Variants in TRIM2 observed in about 807,000 individuals in gnomAD.
TRIM2 encodes tripartite motif containing 2, also known as tripartite motif-containing protein 2.
Under a neutral mutation model 75.2 loss-of-function variants are expected in TRIM2, and 20 were observed. That is an observed-to-expected ratio of 0.27 (90% confidence interval 0.19 to 0.39). The LOEUF (loss-of-function observed/expected upper bound fraction) is 0.39, where lower values mean the gene tolerates loss of function less well. Ranked by LOEUF, TRIM2 falls within the 10% of genes least tolerant of loss-of-function variation. The pLI, the probability that TRIM2 is intolerant of heterozygous loss-of-function variation, is 1.00. For synonymous variants in TRIM2, 373 were observed against 388.3 expected, an observed-to-expected ratio of 0.96 and a Z score of 0.46; for missense variants, 660 against 990.8, an observed-to-expected ratio of 0.67 and a Z score of 4.48.
rs758196850 is a variant in TRIM2, at chr4:153,295,146, T to C, written c.787-167T>C. On this transcript the variant is annotated intron_variant, in intron 5 of 11. Transcript: ENST00000338700. The surrounding 1 kb of genome is among the most constrained non-coding windows in gnomAD (Gnocchi z 7.2). ...CCTCGAAAAGGTACTGGGAATGCAG[T>C]TTAGGACTTTGCGTTAGCACTGGGT... Among the ~76,000 whole-genome samples, 3 of 152,244 alleles carry C rather than the reference T, an allele frequency of 2.0e-5. No homozygotes were observed. Among genetic ancestry groups the C allele is most frequent in the Non-Finnish European group, 4.4e-5 (3 of 67,994 alleles).
chr4:153,246,432 G>A (rs1749163940), intron 1 of TRIM2, among the ~76,000 whole-genome samples: 1 of 152,162 alleles, frequency 6.6e-6, no homozygotes, highest in African/African-American at 2.4e-5. Flanking sequence ...AGGTGGGTCT[G>A]AAGTAGAGGC....
At chr4:153,312,071 C>G (rs1418732914) in intron 6 of TRIM2, among the ~76,000 whole-genome samples, 2 of 131,068 alleles carry the variant, frequency 1.5e-5, no homozygotes, top group Non-Finnish European at 3.2e-5. Flanking sequence ...CCCCTCCCCC[C>G]ACCCCACAAC....
chr4:153,225,585 G>A (rs1203782208), intron 1 of TRIM2, among the ~76,000 whole-genome samples: 1 of 152,082 alleles, frequency 6.6e-6, no homozygotes, highest in Non-Finnish European at 1.5e-5. Context: ...TATTTTCTCT[G>A]GAAGAAAATG....
intron 1 of TRIM2, among the ~76,000 whole-genome samples, chr4:153,220,364 A>C (rs921511054): frequency 2.6e-5 from 4 of 152,202 alleles, no homozygotes; most frequent in African/African-American, 9.6e-5. Flanking sequence ...GATGGCATTT[A>C]ACAGGACACA....
chr4:153,264,679 A>G (rs911302011), intron 1 of TRIM2, among the ~76,000 whole-genome samples: 6 of 152,218 alleles, frequency 3.9e-5, no homozygotes, highest in Non-Finnish European at 7.3e-5. Flanking sequence ...ATTCCTCATG[A>G]CATATTCGGA....
chr4:153,270,149 CGATCTCTTGACCTCAT>C (rs1201058194), intron 1 of TRIM2, among the ~76,000 whole-genome samples, 170 bp from the exon 2 acceptor site: 1 of 151,876 alleles, frequency 6.6e-6, no homozygotes, highest in Non-Finnish European at 1.5e-5. Flanking sequence ...AGGAGGGTCT[CGATCTCTTGACCTCAT>C]GATCCGCCCA....
chr4:153,295,383 C>T lies in TRIM2; in HGVS notation c.857C>T (p.Ala286Val). ...ESIKSCSNFT[A>V]QALNHGTETE... ...ATTAAGAGCTGCAGCAACTTCACAG[C>T]GCAGGCCCTCAACCATGGCACGGAG... Residue 286 changes from alanine to valine, a missense_variant, in exon 6 of 12, where the codon GCG becomes GTG. Ala to Val is a moderately conservative substitution (Grantham distance 64). Around this residue, in one of 2 missense-constraint regions of TRIM2, gnomAD observed 620 missense variants for 891.0 expected, o/e 0.70. Transcript: ENST00000338700. The surrounding 1 kb of genome is among the most constrained non-coding windows in gnomAD (Gnocchi z 7.2). The T allele has an allele frequency of 1.2e-6, 2 of 1,613,890 alleles. No homozygotes were observed. Among genetic ancestry groups the T allele is most frequent in the Non-Finnish European group, 1.7e-6 (2 of 1,179,856 alleles).
chr4:153,308,010 A>C, intron 6 of TRIM2: 2 of 765,198 alleles, frequency 2.6e-6, no homozygotes, highest in Non-Finnish European at 4.9e-6. Context: ...AGAATTTTCC[A>C]GGTCTCCTTT....
At chr4:153,273,933 T>G (rs995533738) in intron 2 of TRIM2, among the ~76,000 whole-genome samples, 1 of 151,432 alleles carries the variant, frequency 6.6e-6, no homozygotes, top group Non-Finnish European at 1.5e-5. Context: ...TAGTGGGAGG[T>G]TGCTATAGTG....
chr4:153,197,215 G>A (rs1365400507), intron 1 of TRIM2, among the ~76,000 whole-genome samples: 1 of 152,168 alleles, frequency 6.6e-6, no homozygotes, highest in African/African-American at 2.4e-5. Flanking sequence ...AAGTTTAATG[G>A]AATGAGTTTA....
At chr4:153,152,596 A>G (rs1338485094), upstream of TRIM2, 1 of 151,966 alleles carries the variant, frequency 6.6e-6, no homozygotes, top group Non-Finnish European at 1.5e-5. Flanking sequence ...GGAACTGCCA[A>G]GGAGCCCCCT....
chr4:153,203,873 C>G (rs1261175234), upstream of TRIM2, among the ~76,000 whole-genome samples: 2 of 151,974 alleles, frequency 1.3e-5, no homozygotes, highest in Non-Finnish European at 2.9e-5. Flanking sequence ...GCCTGGGCAA[C>G]AGAGCGAGAC....
At chr4:153,332,679 A>G (rs887951910) in intron 11 of TRIM2, among the ~76,000 whole-genome samples, 2 of 152,236 alleles carry the variant, frequency 1.3e-5, no homozygotes, top group South Asian at 2.1e-4. Context: ...CAAAAGGCAT[A>G]AAGAGAAATT....
At chr4:153,221,992 G>GA (rs1740506676) in intron 1 of TRIM2, among the ~76,000 whole-genome samples, 96 of 93,306 alleles carry the variant, frequency 1.0e-3, no homozygotes, top group African/African-American at 3.8e-3. Context: ...GGAAGGGAGA[G>GA]AGGAAGGAAG....
chr4:153,304,208 G>A lies in TRIM2; in HGVS notation c.1510+8172G>A, dbSNP rs1008863780. 5.2e-4 allele frequency among the ~76,000 whole-genome samples: 79 copies of A among 152,058 alleles called. 1 individual carries two copies. Among genetic ancestry groups the A allele is most frequent in the Non-Finnish European group, 7.4e-5 (5 of 68,026 alleles). On this transcript the variant is annotated intron_variant, in intron 6 of 11. Coordinates refer to ENST00000338700, the MANE Select transcript of TRIM2 (RefSeq NM_015271.5). ...AGCTCACTTTAATCTCCACCTCCTG[G>A]GTTCAAGTGATTCTCTTGCCTCAGC...
At chr4:153,220,534 A>G (rs1739668296) in intron 1 of TRIM2, among the ~76,000 whole-genome samples, 1 of 152,162 alleles carries the variant, frequency 6.6e-6, no homozygotes, top group South Asian at 2.1e-4. Flanking sequence ...CTGATAAGGA[A>G]CTCACATCCA....
chr4:153,311,753 T>A (rs1766361905), intron 6 of TRIM2, among the ~76,000 whole-genome samples: 1 of 147,136 alleles, frequency 6.8e-6, no homozygotes, highest in Non-Finnish European at 1.5e-5. Flanking sequence ...TAGAGATGGG[T>A]TCTTACTGTG....
intron 1 of TRIM2, among the ~76,000 whole-genome samples, chr4:153,216,674 G>A (rs1206395928): frequency 2.6e-5 from 4 of 152,178 alleles, no homozygotes; most frequent in Admixed American, 2.0e-4. Context: ...TTTATTTTTA[G>A]TTCTGGAGGC....
At chr4:153,166,905 C>T (rs898758565) in intron 1 of TRIM2, among the ~76,000 whole-genome samples, 3 of 152,182 alleles carry the variant, frequency 2.0e-5, no homozygotes, top group African/African-American at 7.2e-5. Context: ...TATGCTTCCA[C>T]CTCCCGGGGG....
Sources: gnomAD v4.1 joint callset for allele counts (sites outside exome capture counted in the v4.1 genomes callset) on GRCh38, gnomAD v4.1.1 for gene constraint, gnomAD v4.1.1 regional missense constraint, Gnocchi (gnomAD v3.1) non-coding constraint, MANE v1.5 for transcripts, NCBI Gene and HGNC (gene_info 2026-07-23, HGNC 2026-07-21) for gene names.